RAPGEF1: variants seen among roughly 807,000 people sequenced by gnomAD.
The protein encoded by RAPGEF1 is CRK SH3-binding GNRP.
Under a neutral mutation model 143.3 loss-of-function variants are expected in RAPGEF1, and 33 were observed. That is an observed-to-expected ratio of 0.23 (90% CI 0.17 to 0.31). The LOEUF is 0.31. Among genes scored for constraint, RAPGEF1 ranks in the 10% least tolerant of loss-of-function variants. The pLI, the probability that RAPGEF1 is intolerant of heterozygous loss-of-function variation, is 1.00. For missense variants in RAPGEF1, 1,199 were observed against 1,645.4 expected (o/e 0.73, Z 4.69); for synonymous variants, 629 against 676.5 (o/e 0.93, Z 1.09).
At chr9:131,688,814 C>T (rs1479977943) in intron 1 of RAPGEF1, among the ~76,000 whole-genome samples, 1 of 152,208 alleles carries the variant, frequency 6.6e-6, no homozygotes. Flanking sequence ...AGGAGAATCA[C>T]TCGAACCCGG....
chr9:131,619,274 G>A (rs988400640), intron 11 of RAPGEF1, 68 bp from the exon 12 acceptor site: 17 of 1,239,390 alleles, frequency 1.4e-5, no homozygotes, highest in African/African-American at 6.2e-5. Context: ...AGTCAGGTCC[G>A]TGCAGGGAAA....
chr9:131,639,482 G>A (rs1280766520), intron 4 of RAPGEF1, among the ~76,000 whole-genome samples: 1 of 151,502 alleles, frequency 6.6e-6, no homozygotes, highest in Non-Finnish European at 1.5e-5. Flanking sequence ...GAGAGACCAC[G>A]CTACCAGCTA....
chr9:131,682,826 G>C (rs1308239958), intron 1 of RAPGEF1, among the ~76,000 whole-genome samples: 2 of 152,188 alleles, frequency 1.3e-5, no homozygotes, highest in Non-Finnish European at 2.9e-5. Flanking sequence ...GTAGATACAG[G>C]AGTGGACATT....
chr9:131,639,437 A>AGTGTGTGTGTGTGTGTGTGT lies in RAPGEF1; in HGVS notation c.495-666_495-647dup, dbSNP rs3837234. ...GGATGTGAGGATGGGAACGCAGGTG[A>AGTGTGTGTGTGTGTGTGTGT]GTGTGTGTGTGTGTGTGTGTGTGTG... On this transcript the variant is annotated intron_variant, in intron 4 of 26. Coordinates refer to ENST00000683357, the MANE Select transcript of RAPGEF1 (RefSeq NM_001377935.1). Among the ~76,000 whole-genome samples the AGTGTGTGTGTGTGTGTGTGT allele has an allele frequency of 4.6e-4, 69 of 149,186 alleles. 1 individual carries two copies. The highest frequency in any genetic ancestry group is 1.7e-3 in the African/African-American group (67 of 40,122).
intron 12 of RAPGEF1, among the ~76,000 whole-genome samples, chr9:131,618,606 G>A (rs1259154385): frequency 6.6e-6 from 1 of 152,128 alleles, no homozygotes. Flanking sequence ...TTGAGACAGG[G>A]TTTCACTATG....
At chr9:131,601,171 C>CAAAAA (rs11305443) in intron 15 of RAPGEF1, among the ~76,000 whole-genome samples, 4 of 79,420 alleles carry the variant, frequency 5.0e-5, no homozygotes, top group South Asian at 5.2e-4. Context: ...GACTCCGTCT[C>CAAAAA]AAAAAAAAAA....
chr9:131,622,923 G>A (rs1351519804), intron 10 of RAPGEF1, among the ~76,000 whole-genome samples: 3 of 152,028 alleles, frequency 2.0e-5, no homozygotes, highest in Non-Finnish European at 2.9e-5. Flanking sequence ...ATGCACCACC[G>A]TGTCCAGCTA....
intron 1 of RAPGEF1, among the ~76,000 whole-genome samples, chr9:131,664,986 G>C (rs1396378850): frequency 2.6e-5 from 4 of 152,180 alleles, no homozygotes; most frequent in African/African-American, 7.2e-5. Flanking sequence ...ATCCACAGGA[G>C]CCTGAATTTG....
intron 1 of RAPGEF1, among the ~76,000 whole-genome samples, chr9:131,665,983 T>G (rs1830364213): frequency 2.0e-5 from 3 of 152,236 alleles, no homozygotes; most frequent in Non-Finnish European, 4.4e-5. Context: ...TTTTGGAATC[T>G]GGCACTTAGC....
In RAPGEF1 at chr9:131,619,045, A is replaced by G. The variant is rs776362551; in HGVS notation, c.2061+6T>C. ...TCCAAGTAAAGAACAGCAGGGAGCAACTCACCGAGGGCACGGGCAAGCTGC... is the reference window on the plus strand; with the variant it reads ...TCCAAGTAAAGAACAGCAGGGAGCAGCTCACCGAGGGCACGGGCAAGCTGC... On this transcript the variant is annotated splice_donor_region_variant and intron_variant, in intron 12 of 26. Transcript: ENST00000683357. 90 of 1,355,924 alleles carry G rather than the reference A, an allele frequency of 6.6e-5. No homozygotes were observed. The highest frequency in any genetic ancestry group is 8.5e-5 in the Non-Finnish European group (86 of 1,017,542). 84.0% of individuals were successfully genotyped at this position (1,355,924 alleles called of 1,614,324 possible). A position where few individuals can be genotyped will look rare whatever the true frequency, so the allele number is the denominator to read the frequency against.
intron 1 of RAPGEF1, among the ~76,000 whole-genome samples, chr9:131,690,553 T>C (rs1029712243): frequency 6.6e-6 from 1 of 152,072 alleles, no homozygotes. Context: ...ACCCCAGCAC[T>C]TTGGGAGGCC....
chr9:131,695,837 C>T (rs545363012), intron 1 of RAPGEF1, among the ~76,000 whole-genome samples: 1 of 152,300 alleles, frequency 6.6e-6, no homozygotes, highest in South Asian at 2.1e-4. Flanking sequence ...ACAAGTGTAA[C>T]CAGCAAACAT....
chr9:131,656,034 G>A (rs888503600), intron 1 of RAPGEF1, among the ~76,000 whole-genome samples: 1 of 152,162 alleles, frequency 6.6e-6, no homozygotes, highest in Admixed American at 6.5e-5. Flanking sequence ...ATGTGATGTA[G>A]ATTAAATGAG....
chr9:131,677,063 T>A (rs1389439993), intron 1 of RAPGEF1, among the ~76,000 whole-genome samples: 3 of 152,358 alleles, frequency 2.0e-5, no homozygotes, highest in South Asian at 4.1e-4. Context: ...GCCTCCTATC[T>A]GTAGTGCTAC....
chr9:131,670,764 A>G (rs1237999376), intron 1 of RAPGEF1, among the ~76,000 whole-genome samples: 1 of 152,236 alleles, frequency 6.6e-6, no homozygotes, highest in Non-Finnish European at 1.5e-5. Flanking sequence ...CTATTTTTAA[A>G]CAACCCCAAA....
chr9:131,580,114 A>T, intron 26 of RAPGEF1, 149 bp downstream of exon 26: 1 of 1,127,812 alleles, frequency 8.9e-7, no homozygotes, highest in Non-Finnish European at 1.2e-6. Context: ...TCATCCTGGC[A>T]GAAACTGAAG....
At chr9:131,720,972 T>C (rs11243486) in intron 1 of RAPGEF1, among the ~76,000 whole-genome samples, 13,141 of 152,244 alleles carry the variant, frequency 0.086, 691 homozygotes, top group East Asian at 0.24. Flanking sequence ...CTGGTTGTTA[T>C]ATGTACATGT....
chr9:131,673,464 G>C (rs778775009), intron 1 of RAPGEF1, among the ~76,000 whole-genome samples: 36 of 152,328 alleles, frequency 2.4e-4, no homozygotes, highest in South Asian at 4.1e-4. Flanking sequence ...GTGGAAAGCA[G>C]TTATCTTTAA....
intron 11 of RAPGEF1, 148 bp from the exon 12 acceptor site, chr9:131,619,354 A>G (rs1960041153): frequency 1.5e-6 from 1 of 651,904 alleles, no homozygotes; most frequent in African/African-American, 1.9e-5. Context: ...GGCCCAGTTC[A>G]GGGACTAAAA....
Sources: allele counts gnomAD v4.1 joint callset (sites outside exome capture counted in the v4.1 genomes callset), GRCh38; gene constraint gnomAD v4.1.1; transcripts MANE v1.5; gene names NCBI Gene and HGNC (gene_info 2026-07-23, HGNC 2026-07-21).